The following GNB1 variants were observed in gnomAD, a reference collection of about 807,000 sequenced individuals.
GNB1 encodes the protein guanine nucleotide-binding protein G(I)/G(S)/G(T) subunit beta-1.
Under a neutral mutation model 42.9 loss-of-function variants are expected in GNB1, and 2 were observed. The observed-to-expected ratio is 0.05, with a 90% CI of 0.02 to 0.15. The LOEUF is 0.15. Ranked by LOEUF, GNB1 falls within the 10% of genes least tolerant of loss-of-function variation. The pLI is 1.00. For synonymous variants in GNB1, 183 were observed against 174.7 expected (o/e 1.05, Z -0.38); for missense variants, 193 against 462.2 (o/e 0.42, Z 5.34).
Position 1,790,625 on chromosome 1 carries a change from A to T in GNB1, c.498-29T>A. 1 of 1,542,768 alleles carries T rather than the reference A, an allele frequency of 6.5e-7. No homozygotes were observed. The highest frequency in any genetic ancestry group is 9.0e-7 in the Non-Finnish European group (1 of 1,117,292). ...GAGCAGGAGCGAATGACAAGGGGAC[A>T]TCAGCCTTAACTTCTTGGGTGGCTA... On this transcript the variant is annotated intron_variant, in intron 8 of 11. Transcript: ENST00000378609. The surrounding 1 kb of genome is among the most constrained non-coding windows in gnomAD (Gnocchi z 5.4).
intron 1 of GNB1, among the ~76,000 whole-genome samples, chr1:1,843,812 T>C (rs1389593736): frequency 1.3e-5 from 2 of 152,034 alleles, no homozygotes; most frequent in Non-Finnish European, 2.9e-5. Context: ...CACCTCCCAG[T>C]GCTTTGGGAG....
rs187206435 is a variant in GNB1 at position 1,844,253 on chromosome 1, C to T, written c.-95-5015G>A. 1.9e-4 allele frequency among the ~76,000 whole-genome samples: 29 copies of T among 150,924 alleles called. No individual in the cohort carries two copies. In the East Asian group the frequency reaches 3.1e-3, roughly 16 times the overall value. On this transcript the variant is annotated intron_variant, in intron 1 of 11. Transcript: ENST00000378609. ...AAAAAATAAAAAAATTAGCCGGGCA[C>T]GGTGGCATGCACCTGTAGTCCCAGC...
At position 1,789,624 on chromosome 1, in the gene GNB1, G is replaced by A. The variant is rs552153386; in HGVS notation, c.700-355C>T. ...GGAGAACTGCTTGAAACCGGGAGGC[G>A]GCGGAGGCTGCGGTGAGCCAAGATT... On this transcript the variant is annotated intron_variant, in intron 9 of 11. Transcript: ENST00000378609. Among the ~76,000 whole-genome samples the A allele has an allele frequency of 6.6e-4, 100 of 151,884 alleles. No individual in the cohort carries two copies. In the East Asian group the frequency reaches 9.9e-3, roughly 15 times the overall value.
At chr1:1,874,730 C>G (rs1649443321) in intron 1 of GNB1, among the ~76,000 whole-genome samples, 2 of 150,582 alleles carry the variant, frequency 1.3e-5, no homozygotes. Flanking sequence ...GGCGGAGTTG[C>G]AGTGAGCTGA....
At chr1:1,822,694 CCT>C (rs1426116147) in intron 3 of GNB1, among the ~76,000 whole-genome samples, 3 of 152,080 alleles carry the variant, frequency 2.0e-5, no homozygotes, top group African/African-American at 7.2e-5. Flanking sequence ...GAGGGAGCCC[CCT>C]GTGCAAGAAG....
chr1:1,888,545 T>G (rs35371819), intron 1 of GNB1, among the ~76,000 whole-genome samples: 134 of 152,210 alleles, frequency 8.8e-4, no homozygotes, highest in South Asian at 7.9e-3. Flanking sequence ...GTTAGAAAGT[T>G]CTGCCTTACC....
At chr1:1,870,370 C>T (rs920079473) in intron 1 of GNB1, among the ~76,000 whole-genome samples, 20 of 151,998 alleles carry the variant, frequency 1.3e-4, no homozygotes, top group Admixed American at 5.2e-4. Context: ...GACAGGGTCT[C>T]ACTACATTGT....
chr1:1,817,539 C>T (rs1646873844), intron 4 of GNB1: 1 of 239,736 alleles, frequency 4.2e-6, no homozygotes, highest in African/African-American at 2.2e-5. Flanking sequence ...AGTTCTGAGG[C>T]AGATTCTGTT....
At chr1:1,881,978 A>G (rs997848689) in intron 1 of GNB1, among the ~76,000 whole-genome samples, 2 of 151,968 alleles carry the variant, frequency 1.3e-5, no homozygotes, top group African/African-American at 4.8e-5. Context: ...TCAGGTCTCA[A>G]AGCTTTTTTT....
At chr1:1,874,877 T>C (rs753083359) in intron 1 of GNB1, among the ~76,000 whole-genome samples, 7 of 152,140 alleles carry the variant, frequency 4.6e-5, no homozygotes, top group African/African-American at 1.2e-4. Flanking sequence ...ACCAACCTTT[T>C]TGATGCCAGG....
intron 7 of GNB1, among the ~76,000 whole-genome samples, chr1:1,797,488 G>C (rs1646562191): frequency 6.6e-6 from 1 of 151,920 alleles, no homozygotes; most frequent in South Asian, 2.1e-4. Flanking sequence ...ACCCAGGCTG[G>C]AGTGCAGTGG....
chr1:1,869,185 CAA>C (rs71578347), intron 1 of GNB1, among the ~76,000 whole-genome samples: 181 of 26,712 alleles, frequency 6.8e-3, no homozygotes, highest in Non-Finnish European at 9.5e-3. Flanking sequence ...GACACCTTCT[CAA>C]AAAAAAAAAA....
intron 6 of GNB1, 142 bp from the exon 7 acceptor site, chr1:1,804,723 A>C: frequency 3.2e-6 from 2 of 624,730 alleles, no homozygotes; most frequent in Non-Finnish European, 2.8e-6. Flanking sequence ...AGCGATTCCC[A>C]TATGTGGCCA....
intron 7 of GNB1, among the ~76,000 whole-genome samples, chr1:1,804,165 T>C (rs1646664670): frequency 6.6e-6 from 1 of 150,670 alleles, no homozygotes; most frequent in African/African-American, 2.4e-5. Context: ...GGCGTGGTGG[T>C]GGGCGCCTGT....
At position 1,860,747 on chromosome 1, in the gene GNB1, G is replaced by C. The variant is rs925905910; in HGVS notation, c.-95-21509C>G. Among the ~76,000 whole-genome samples the C allele has an allele frequency of 3.3e-5, 5 of 150,524 alleles. No individual in the cohort carries two copies. The East Asian group carries it at 5.8e-4, about 18-fold the overall frequency. On this transcript the variant is annotated intron_variant, in intron 1 of 11. Coordinates refer to ENST00000378609, the MANE Select transcript of GNB1 (RefSeq NM_002074.5). ...GAGGGAGGAAGAGTCCCCACAAACC[G>C]ACCAGACTGCAGCTCAGCTCTAAAT...
At chr1:1,870,854 C>T (rs1014822309) in intron 1 of GNB1, among the ~76,000 whole-genome samples, 7 of 152,192 alleles carry the variant, frequency 4.6e-5, no homozygotes, top group Middle Eastern at 3.4e-3. Context: ...AGGAGAATCG[C>T]TTGAACCTGG....
intron 1 of GNB1, among the ~76,000 whole-genome samples, chr1:1,848,642 AAATATAT>A (rs1245409815): frequency 5.9e-5 from 9 of 152,154 alleles, no homozygotes; most frequent in South Asian, 2.1e-4. Context: ...TTGATCACAA[AAATATAT>A]AATATATAAA....
chr1:1,834,268 C>A (rs1647115217), intron 2 of GNB1, among the ~76,000 whole-genome samples: 2 of 152,120 alleles, frequency 1.3e-5, no homozygotes, highest in South Asian at 4.1e-4. Context: ...CTGCTAAGAG[C>A]TTACCTCTGA....
chr1:1,877,001 T>TA (rs1649580073), intron 1 of GNB1, among the ~76,000 whole-genome samples: 1 of 152,102 alleles, frequency 6.6e-6, no homozygotes, highest in South Asian at 2.1e-4. Flanking sequence ...ATCACAATTT[T>TA]AAAAATCTAT....
Sources: allele counts gnomAD v4.1 joint callset (sites outside exome capture counted in the v4.1 genomes callset), GRCh38; gene constraint gnomAD v4.1.1; non-coding constraint Gnocchi (gnomAD v3.1); transcripts MANE v1.5; gene names NCBI Gene and HGNC (gene_info 2026-07-23, HGNC 2026-07-21).